The following MYBL2 variants were observed in gnomAD, a reference collection of about 807,000 sequenced individuals.
The protein encoded by MYBL2 is myb-related protein B.
In MYBL2, 28 loss-of-function variants were observed where a neutral mutation model predicts 79.9. That is an observed-to-expected ratio of 0.35 (90% CI 0.26 to 0.48). The LOEUF (loss-of-function observed/expected upper bound fraction) is 0.48, where lower values mean the gene tolerates loss of function less well. MYBL2 is among the 20% of genes least tolerant of loss of function. MYBL2 has a pLI of 0.99. For synonymous variants in MYBL2, 378 were observed against 361.2 expected (o/e 1.05, Z -0.53); for missense variants, 735 against 893.9 (o/e 0.82, Z 2.27).
intron 5 of MYBL2, among the ~76,000 whole-genome samples, chr20:43,688,027 A>T (rs1282816270): frequency 6.8e-6 from 1 of 146,586 alleles, no homozygotes; most frequent in East Asian, 2.0e-4. Context: ...AAAAAAAAAA[A>T]TTTTTTTTTC....
intron 2 of MYBL2, among the ~76,000 whole-genome samples, chr20:43,679,919 A>T (rs1987104821): frequency 2.6e-5 from 4 of 152,108 alleles, no homozygotes; most frequent in Admixed American, 2.6e-4. Context: ...TCTCAAAAAA[A>T]AAAAAAGGAT....
At chr20:43,690,670 ACT>A (rs907069995) in intron 5 of MYBL2, among the ~76,000 whole-genome samples, 1 of 151,982 alleles carries the variant, frequency 6.6e-6, no homozygotes, top group South Asian at 2.1e-4. Context: ...TTAAGCTGTT[ACT>A]CTCTGTTCAC....
At chr20:43,684,677 G>A (rs770407875) in intron 4 of MYBL2, among the ~76,000 whole-genome samples, 8 of 151,528 alleles carry the variant, frequency 5.3e-5, no homozygotes, top group Middle Eastern at 3.4e-3. Context: ...CTGGCACTTC[G>A]CCTTAAAATT....
intron 1 of MYBL2, 39 bp downstream of exon 1, chr20:43,667,342 C>G (rs1291779748): frequency 2.5e-6 from 3 of 1,213,580 alleles, no homozygotes; most frequent in African/African-American, 3.1e-5. Flanking sequence ...CTCCCCCTCC[C>G]TTTAACTCAC....
intron 9 of MYBL2, among the ~76,000 whole-genome samples, chr20:43,709,002 C>T (rs1224495300): frequency 1.3e-5 from 2 of 152,196 alleles, no homozygotes; most frequent in Admixed American, 6.5e-5. Flanking sequence ...TCTCTAGGTC[C>T]TGAGGAAGGA....
intron 5 of MYBL2, among the ~76,000 whole-genome samples, chr20:43,690,918 C>G (rs1353059799): frequency 6.6e-6 from 1 of 152,214 alleles, no homozygotes; most frequent in Non-Finnish European, 1.5e-5. Flanking sequence ...CTTCTATACA[C>G]TTTTGTGGTA....
At chr20:43,675,398 C>G (rs1259174279) in intron 2 of MYBL2, among the ~76,000 whole-genome samples, 1 of 151,734 alleles carries the variant, frequency 6.6e-6, no homozygotes, top group Non-Finnish European at 1.5e-5. Flanking sequence ...ACTGCAACTT[C>G]CGCCTCCTGG....
chr20:43,690,735 A>G (rs569192695), intron 5 of MYBL2, among the ~76,000 whole-genome samples: 4 of 151,832 alleles, frequency 2.6e-5, no homozygotes, highest in African/African-American at 9.7e-5. Context: ...GGTGACTACT[A>G]TGTGTCAGCA....
chr20:43,708,296 C>G (rs1162347011), intron 9 of MYBL2, among the ~76,000 whole-genome samples: 2 of 152,050 alleles, frequency 1.3e-5, no homozygotes, highest in Admixed American at 6.6e-5. Flanking sequence ...GACAGGGTCT[C>G]ACTGTGTTGC....
At chr20:43,691,386 A>G (rs1402289958) in intron 5 of MYBL2, among the ~76,000 whole-genome samples, 1 of 151,970 alleles carries the variant, frequency 6.6e-6, no homozygotes, top group Non-Finnish European at 1.5e-5. Flanking sequence ...CAGTGGCGCA[A>G]TCTCGGCTCA....
At chr20:43,683,346 T>A (rs1987186780) in intron 4 of MYBL2, among the ~76,000 whole-genome samples, 1 of 152,016 alleles carries the variant, frequency 6.6e-6, no homozygotes, top group South Asian at 2.1e-4. Flanking sequence ...TGGGCAGAAG[T>A]TGTTAGTCCC....
intron 10 of MYBL2, 26 bp from the exon 11 acceptor site, chr20:43,711,462 G>T: frequency 6.3e-7 from 1 of 1,583,520 alleles, no homozygotes; most frequent in Non-Finnish European, 8.6e-7. Flanking sequence ...GGTGCCTCAC[G>T]TGGGCTGCCC....
chr20:43,687,998 C>T (rs146413955), intron 5 of MYBL2, among the ~76,000 whole-genome samples: 3,459 of 131,074 alleles, frequency 0.026, 135 homozygotes, highest in African/African-American at 0.089. Flanking sequence ...GGCGACAGAG[C>T]GAGACTGTCT....
chr20:43,709,683 G>A (rs992604864), intron 9 of MYBL2, among the ~76,000 whole-genome samples: 8 of 152,284 alleles, frequency 5.3e-5, no homozygotes, highest in Middle Eastern at 6.8e-3. Context: ...GTGTGGCCAC[G>A]GACTGCCTTG....
chr20:43,697,303 A>C (rs188688610), intron 6 of MYBL2, among the ~76,000 whole-genome samples: 1 of 152,154 alleles, frequency 6.6e-6, no homozygotes, highest in Non-Finnish European at 1.5e-5. Flanking sequence ...ATTAAAATAT[A>C]ATTGACAAAT....
chr20:43,688,010 CAAA>C (rs11086887), intron 5 of MYBL2, among the ~76,000 whole-genome samples: 1 of 117,370 alleles, frequency 8.5e-6, no homozygotes, highest in Non-Finnish European at 1.7e-5. Flanking sequence ...AGACTGTCTC[CAAA>C]AAAAAAAAAA....
intron 2 of MYBL2, among the ~76,000 whole-genome samples, chr20:43,674,981 CT>C (rs1986969761): frequency 6.6e-6 from 1 of 152,058 alleles, no homozygotes; most frequent in African/African-American, 2.4e-5. Context: ...ATCAAATGCC[CT>C]TTTTTTAATT....
chr20:43,673,505 C>G (rs1568845783), intron 1 of MYBL2, among the ~76,000 whole-genome samples: 1 of 151,914 alleles, frequency 6.6e-6, no homozygotes, highest in East Asian at 2.0e-4. Context: ...GGCGTGGTGG[C>G]ATACCCCTGT....
intron 11 of MYBL2, 25 bp from the exon 12 acceptor site, chr20:43,712,977 C>A: frequency 1.3e-6 from 2 of 1,573,170 alleles, no homozygotes; most frequent in Non-Finnish European, 1.7e-6. Flanking sequence ...CTCACCCTAA[C>A]CCCCTTCTAT....
Sources: allele counts gnomAD v4.1 joint callset (sites outside exome capture counted in the v4.1 genomes callset), GRCh38; gene constraint gnomAD v4.1.1; transcripts MANE v1.5; gene names NCBI Gene and HGNC (gene_info 2026-07-23, HGNC 2026-07-21).